The following MUC4 variants were observed in gnomAD, a reference collection of about 807,000 sequenced individuals.
The protein encoded by MUC4 is mucin 4, cell surface associated.
MUC4 carries 202 observed loss-of-function variants against 257.9 expected under a neutral mutation model. The observed-to-expected ratio is 0.78, with a 90% CI of 0.70 to 0.88. MUC4 has a LOEUF of 0.88. Ranked by LOEUF, MUC4 falls within the 40% of genes least tolerant of loss-of-function variation. The probability of loss-of-function intolerance (pLI) is 0.00; values close to 1 mark genes in which losing one functional copy is unlikely to be tolerated. For missense variants in MUC4, 5,976 were observed against 6,513.7 expected (o/e 0.92, Z 2.84); for synonymous variants, 2,351 against 2,757.1 (o/e 0.85, Z 4.62).
intron 19 of MUC4, 23 bp from the exon 20 acceptor site, chr3:195,753,253 A>G: frequency 6.2e-7 from 1 of 1,611,476 alleles, no homozygotes; most frequent in Non-Finnish European, 8.5e-7. Context: ...TAGGGAGGTC[A>G]GCAGCAGCGC....
Position 195,769,076 on chromosome 3 carries a change from A to T in MUC4, c.13475T>A (p.Met4492Lys). ...TGAGCGCTGGGCCACGTCCCACTGCATCCCACCGCTCTGGTAGAGAAACAG... is the reference window on the plus strand; with the variant it reads ...TGAGCGCTGGGCCACGTCCCACTGCTTCCCACCGCTCTGGTAGAGAAACAG... ...YALFLYQSGG[M>K]QWDVAQRSGN... is the part of the protein sequence containing the mutation. Residue 4492 changes from methionine to lysine, a missense_variant, in exon 7 of 25, where the codon ATG (methionine) becomes AAG (lysine). Physicochemically the swap from Met to Lys is moderately conservative, Grantham distance 95. Transcript: ENST00000463781. 6.2e-7 allele frequency: 1 copy of T among 1,614,118 alleles called. No individual in the cohort carries two copies. The highest frequency in any genetic ancestry group is 1.1e-5 in the South Asian group (1 of 91,076).
intron 3 of MUC4, among the ~76,000 whole-genome samples, chr3:195,778,073 A>C (rs1312015138): frequency 2.0e-5 from 3 of 152,206 alleles, no homozygotes; most frequent in Non-Finnish European, 2.9e-5. Context: ...CCGCTACCGG[A>C]CCGTCCATCT....
chr3:195,763,545 C>T lies in MUC4; in HGVS notation c.14141G>A (p.Gly4714Glu). The T allele has an allele frequency of 6.3e-7, 1 of 1,587,368 alleles. No homozygotes were observed. Among genetic ancestry groups the T allele is most frequent in the Non-Finnish European group, 8.6e-7 (1 of 1,166,068 alleles). The change falls in exon 12 of 25, where the codon GGG (glycine) becomes GAG (glutamate). Residue 4714 changes from glycine to glutamate, a missense_variant. Gly to Glu is a moderately conservative substitution (Grantham distance 98, BLOSUM62 -2). Coordinates refer to ENST00000463781, the MANE Select transcript of MUC4 (RefSeq NM_018406.7). ...GCCCTGAAGCAGGAAGGAGGAGTTC[C>T]CGTCTTGGGCCCCGACCAGCAGGAA... ...GDFLLVGAQD[G>E]NSSFLLQGRT... is the part of the protein sequence containing the mutation.
chr3:195,779,896 G>A lies in MUC4; in HGVS notation c.11684C>T (p.Ser3895Phe). 1.5e-6 allele frequency: 2 copies of A among 1,372,604 alleles called. No individual in the cohort carries two copies. The highest frequency in any genetic ancestry group is 1.4e-5 in the South Asian group (1 of 71,626). 85.0% of individuals were successfully genotyped at this position (1,372,604 alleles called of 1,614,324 possible). ...GGTGGCGTGACGTGTGGATGCTGAG[G>A]AAGTGTCGGTGACAGGAAGAGGGGT... Reference protein sequence around the residue: ...DTTPLPVTDTSSASTRHATPL... With the variant: ...DTTPLPVTDTFSASTRHATPL... Residue 3895 changes from serine to phenylalanine, a missense_variant, in exon 2 of 25, where the codon TCC becomes TTC. By Grantham distance (155) the Ser-to-Phe change is radical. Around this residue, in one of 44 missense-constraint regions of MUC4, gnomAD observed 330 missense variants for 262.0 expected, o/e 1.26. Transcript: ENST00000463781.
rs113688288 is a variant in MUC4 at position 195,788,672 on chromosome 3, G to C, written c.2908C>G (p.Leu970Val). ...GGAAGAGGGGTGGCGTTGCTGATGAGGGCCGTGGTGAAGGTTTTACCAGAC... is the reference window on the plus strand; with the variant it reads ...GGAAGAGGGGTGGCGTTGCTGATGACGGCCGTGGTGAAGGTTTTACCAGAC... The part of the protein sequence containing the change: ...SGSGKTFTTA[L>V]ISNATPLPVT... Residue 970 changes from leucine (L) to valine (V), a missense_variant, in exon 2 of 25, where the codon CTC becomes GTC. By Grantham distance (32) the Leu-to-Val change is conservative. This residue lies in a region of MUC4 where 1,583 missense variants were observed against 1,257.4 expected (regional missense o/e 1.26). Coordinates refer to ENST00000463781, the MANE Select transcript of MUC4 (RefSeq NM_018406.7). 3 of 1,588,522 alleles carry C rather than the reference G, an allele frequency of 1.9e-6. No individual in the cohort carries two copies. Among genetic ancestry groups the C allele is most frequent in the Non-Finnish European group, 2.6e-6 (3 of 1,174,642 alleles).
Position 195,778,242 on chromosome 3 carries a change from A to G in MUC4, c.12943+61T>C, listed in dbSNP as rs771480323. The G allele has an allele frequency of 2.0e-6, 3 of 1,517,894 alleles. No individual in the cohort carries two copies. In the Admixed American group the frequency reaches 6.4e-5, roughly 32 times the overall value. 94.0% of individuals were successfully genotyped at this position (1,517,894 alleles called of 1,614,324 possible). ...AGCGGAGACTGTGGGAAGTAGGCTG[A>G]GAGGGAGCCTTCAGTTACATCACCC... On this transcript the variant is annotated intron_variant, in intron 3 of 24. Transcript: ENST00000463781.
Position 195,755,610 on chromosome 3 carries a change from A to G in MUC4, c.15169-1238T>C, listed in dbSNP as rs999180328. Among the ~76,000 whole-genome samples, 2 of 151,960 alleles carry G rather than the reference A, an allele frequency of 1.3e-5. No homozygotes were observed. Among genetic ancestry groups the G allele is most frequent in the Admixed American group, 1.3e-4 (2 of 15,260 alleles). The stretch of plus-strand genomic sequence containing the variant: ...AGGCTGCGGCGCCGAGACCTCACCA[A>G]GCTCCCTGCGCTCCCCTTTCTAACT... On this transcript the variant is annotated intron_variant, in intron 18 of 24. Coordinates refer to ENST00000463781, the MANE Select transcript of MUC4 (RefSeq NM_018406.7). This position sits in a 1 kb window ranked among gnomAD's most constrained non-coding sequence, Gnocchi z 5.0.
chr3:195,783,451 G>C lies in MUC4; in HGVS notation c.8129C>G (p.Thr2710Ser), dbSNP rs1560344137. Residue 2710 changes from threonine to serine, a missense_variant, in exon 2 of 25, where the codon ACT becomes AGT. Coordinates refer to ENST00000463781, the MANE Select transcript of MUC4 (RefSeq NM_018406.7). ...GGTGTCACCTGTGTATGCTGAGGAA[G>C]TGTCGGTGACAGGAAGAGAGGTGGT... ...GDTTSLPVTDTSSAYTGDTTS... is the reference protein window; with the variant it reads ...GDTTSLPVTDSSSAYTGDTTS... The C allele has an allele frequency of 1.5e-5, 14 of 945,256 alleles. No individual in the cohort carries two copies. Among genetic ancestry groups the C allele is most frequent in the Admixed American group, 3.6e-5 (1 of 27,426 alleles). 58.6% of individuals were successfully genotyped at this position (945,256 alleles called of 1,614,324 possible).
chr3:195,747,347 G>A lies in MUC4; in HGVS notation c.16068C>T (p.Gly5356=), dbSNP rs775281626. ...TCATGCTCAGGTGCTCACAGTGCTC[G>A]CCCCAGGCCGTGTAGATGGAGAAGG... ...CVSFSIYTAW[G]EHCEHLSMKL... is the part of the protein sequence containing the mutation. The change falls in exon 25 of 25, where the codon GGC becomes GGT. Residue 5356 remains glycine (G), a synonymous_variant. Coordinates refer to ENST00000463781, the MANE Select transcript of MUC4 (RefSeq NM_018406.7). 20 of 1,613,886 alleles carry A rather than the reference G, an allele frequency of 1.2e-5. No homozygotes were observed. The South Asian group carries it at 1.8e-4, about 14-fold the overall frequency.
chr3:195,796,488 G>A (rs982522211), intron 1 of MUC4, among the ~76,000 whole-genome samples: 25 of 152,098 alleles, frequency 1.6e-4, no homozygotes, highest in African/African-American at 2.9e-4. Context: ...TGAGGCAGGC[G>A]GATCATGAGG....
chr3:195,792,586 A>T (rs1456586676), intron 1 of MUC4, among the ~76,000 whole-genome samples: 1 of 152,232 alleles, frequency 6.6e-6, no homozygotes, highest in African/African-American at 2.4e-5. Flanking sequence ...TTCCTCAAGG[A>T]TCTAGAACCA....
chr3:195,756,788 G>A (rs963359785), intron 18 of MUC4, among the ~76,000 whole-genome samples: 7 of 152,022 alleles, frequency 4.6e-5, no homozygotes, highest in East Asian at 3.9e-4. Context: ...GCAGCCTCCC[G>A]AGTAGCTGGG....
At chr3:195,767,862 C>CACCACCATCACCACCACCACCAT (rs1721775195) in intron 7 of MUC4, among the ~76,000 whole-genome samples, 1 of 141,672 alleles carries the variant, frequency 7.1e-6, no homozygotes, top group Non-Finnish European at 1.5e-5. Context: ...ACCATCACCC[C>CACCACCATCACCACCACCACCAT]CAACACCACC....
chr3:195,780,395 G>A lies in MUC4; in HGVS notation c.11185C>T (p.Leu3729Phe), dbSNP rs754936209. 3 of 1,527,750 alleles carry A rather than the reference G, an allele frequency of 2.0e-6. No homozygotes were observed. Among genetic ancestry groups the A allele is most frequent in the Admixed American group, 2.0e-5 (1 of 50,120 alleles). 94.6% of individuals were successfully genotyped at this position (1,527,750 alleles called of 1,614,324 possible). ...GCTGAGGAAGGGCTGGTGACATGAA[G>A]AGGGGTGACGTGACCTGTAGATACT... Reference protein sequence around the residue: ...SSVSTGHVTPLHVTSPSSAST... With the variant: ...SSVSTGHVTPFHVTSPSSAST... The change falls in exon 2 of 25, where the codon CTT becomes TTT. Residue 3729 changes from leucine (L) to phenylalanine (F), a missense_variant. Physicochemically the swap from Leu to Phe is conservative, Grantham distance 22 (BLOSUM62 0). Around this residue, in one of 44 missense-constraint regions of MUC4, gnomAD observed 330 missense variants for 262.0 expected, o/e 1.26. Coordinates refer to ENST00000463781, the MANE Select transcript of MUC4 (RefSeq NM_018406.7).
Position 195,759,232 on chromosome 3 carries a change from G to T in MUC4, c.14878C>A (p.Arg4960Ser), listed in dbSNP as rs770349674. 4 of 1,613,994 alleles carry T rather than the reference G, an allele frequency of 2.5e-6. No homozygotes were observed. In the South Asian group the frequency reaches 4.4e-5, roughly 18 times the overall value. The change falls in exon 17 of 25, where the codon CGT becomes AGT. Residue 4960 changes from arginine (R) to serine (S), a missense_variant. Around this residue, in one of 44 missense-constraint regions of MUC4, gnomAD observed 996 missense variants for 1,137.3 expected, o/e 0.88. Coordinates refer to ENST00000463781, the MANE Select transcript of MUC4 (RefSeq NM_018406.7). ...TGCCCCTTGTAGGCTTCAATCACAC[G>T]ACCACCATTGATGGAGGGCGGGTAC... ...NQYPPSINGG[R>S]VIEAYKGQTT...
Position 195,778,291 on chromosome 3 carries a change from G to GT in MUC4, c.12943+11dup. 6.2e-7 allele frequency: 1 copy of GT among 1,605,006 alleles called. No homozygotes were observed. Among genetic ancestry groups the GT allele is most frequent in the Non-Finnish European group, 8.5e-7 (1 of 1,176,570 alleles). ...CCCTCAAAAGGCACAGGCCTCACCT[G>GT]TATGGCCTCACCTCTCTCAGGCAGG... On this transcript the variant is annotated intron_variant, in intron 3 of 24. Transcript: ENST00000463781.
At chr3:195,793,098 G>A (rs968566297) in intron 1 of MUC4, among the ~76,000 whole-genome samples, 1 of 150,600 alleles carries the variant, frequency 6.6e-6, no homozygotes, top group Admixed American at 6.7e-5. Context: ...AAACCTGCAC[G>A]TTCTGCACAT....
chr3:195,759,767 A>G (rs1279346230), intron 16 of MUC4, among the ~76,000 whole-genome samples: 1 of 152,098 alleles, frequency 6.6e-6, no homozygotes, highest in Non-Finnish European at 1.5e-5. Context: ...TAAAAATACA[A>G]AATTAGTCAG....
intron 18 of MUC4, 146 bp from the exon 19 acceptor site, chr3:195,754,518 AC>A: frequency 8.9e-7 from 1 of 1,127,494 alleles, no homozygotes; most frequent in Non-Finnish European, 1.2e-6. Flanking sequence ...CACCTTCTTG[AC>A]CAGGCCGTGG....
Sources: allele counts gnomAD v4.1 joint callset (sites outside exome capture counted in the v4.1 genomes callset), GRCh38; gene constraint gnomAD v4.1.1; regional missense constraint gnomAD v4.1.1; non-coding constraint Gnocchi (gnomAD v3.1); transcripts MANE v1.5; gene names NCBI Gene and HGNC (gene_info 2026-07-23, HGNC 2026-07-21).